Variants in STX2 observed in about 807,000 individuals in gnomAD.
The protein encoded by STX2 is syntaxin-2.
STX2 carries 27 observed loss-of-function variants against 40.6 expected under a neutral mutation model. The observed-to-expected ratio is 0.66, with a 90% confidence interval of 0.49 to 0.92. The LOEUF is 0.92. Ranked by LOEUF, STX2 falls within the 40% of genes least tolerant of loss-of-function variation. The pLI is 0.00. For synonymous variants in STX2, 123 were observed against 119.1 expected, an observed-to-expected ratio of 1.03 and a Z score of -0.22; for missense variants, 328 against 366.1, an observed-to-expected ratio of 0.90 and a Z score of 0.85.
chr12:130,789,904 G>C lies in STX2; in HGVS notation c.*2119C>G, dbSNP rs768458833. ...AACTATAAAAACACAAATTTCAGTA[G>C]GTACTGCAAATCTAAGAAGAATAAC... On this transcript the variant is annotated 3_prime_UTR_variant, in exon 11 of 11. Transcript: ENST00000392373. The C allele has an allele frequency of 2.0e-5, 3 of 152,080 alleles. No homozygotes were observed. Among genetic ancestry groups the C allele is most frequent in the Non-Finnish European group, 4.4e-5 (3 of 68,014 alleles). The allele number at this position is 152,080 out of a possible 1,614,324, so 9.4% of individuals were successfully genotyped here. A position where few individuals can be genotyped will look rare whatever the true frequency, so the allele number is the denominator to read the frequency against.
intron 1 of STX2, among the ~76,000 whole-genome samples, chr12:130,830,440 C>G (rs1486140430): frequency 6.6e-6 from 1 of 152,226 alleles, no homozygotes; most frequent in Non-Finnish European, 1.5e-5. Context: ...GGCGTCAATC[C>G]TCCTCCACTC....
intron 3 of STX2, among the ~76,000 whole-genome samples, chr12:130,818,218 A>ATATATATATATATATATAT (rs1565924788): frequency 2.0e-4 from 26 of 126,876 alleles, no homozygotes; most frequent in African/African-American, 3.0e-4. Context: ...ATATATATAT[A>ATATATATATATATATATAT]AAATTATCTG....
At chr12:130,815,026 G>A (rs979483779) in intron 3 of STX2, among the ~76,000 whole-genome samples, 5 of 152,228 alleles carry the variant, frequency 3.3e-5, no homozygotes, top group Admixed American at 3.3e-4. Context: ...TTAAGCCTAG[G>A]ACTTTAAGGC....
intron 5 of STX2, among the ~76,000 whole-genome samples, chr12:130,807,965 G>C (rs891969229): frequency 3.9e-5 from 6 of 152,166 alleles, no homozygotes; most frequent in Admixed American, 2.6e-4. Context: ...ATTCCTCGTA[G>C]GTCCCAGAAT....
Position 130,821,767 on chromosome 12 carries a change from T to C in STX2, c.127A>G (p.Ile43Val). 6.2e-7 allele frequency: 1 copy of C among 1,611,910 alleles called. No homozygotes were observed. The highest frequency in any genetic ancestry group is 1.1e-5 in the South Asian group (1 of 91,010). The change falls in exon 3 of 11, where the codon ATT becomes GTT. Residue 43 changes from isoleucine to valine, a missense_variant. Physicochemically the swap from Ile to Val is conservative, Grantham distance 29. Coordinates refer to ENST00000392373, the MANE Select transcript of STX2 (RefSeq NM_194356.4). ...TCAACATATTGAGTTATTTTATCAA[T>C]ACTGTTTCTAATCTCCTCCACCTAG... The part of the protein sequence containing the change: ...FHQVEEIRNS[I>V]DKITQYVEEV...
At chr12:130,814,614 T>C (rs1951788379) in intron 3 of STX2, among the ~76,000 whole-genome samples, 1 of 145,892 alleles carries the variant, frequency 6.9e-6, no homozygotes, top group Non-Finnish European at 1.5e-5. Flanking sequence ...TCAGCAAAGA[T>C]GCATTAGAAA....
At chr12:130,797,808 G>C (rs1283767858) in intron 9 of STX2, among the ~76,000 whole-genome samples, 1 of 152,184 alleles carries the variant, frequency 6.6e-6, no homozygotes, top group African/African-American at 2.4e-5. Flanking sequence ...GAGTGAAAGG[G>C]GTTCCCTTCT....
chr12:130,825,861 A>C (rs1167862995), intron 2 of STX2, among the ~76,000 whole-genome samples: 1 of 152,176 alleles, frequency 6.6e-6, no homozygotes, highest in Admixed American at 6.6e-5. Flanking sequence ...AACCCACTGG[A>C]CGTGTGTTTT....
intron 1 of STX2, among the ~76,000 whole-genome samples, chr12:130,828,192 G>C (rs1042921167): frequency 3.3e-5 from 5 of 152,004 alleles, no homozygotes; most frequent in East Asian, 3.9e-4. Flanking sequence ...ACCAATAAAG[G>C]CTTCTATTAA....
At chr12:130,828,815 C>G (rs1952435256) in intron 1 of STX2, among the ~76,000 whole-genome samples, 1 of 150,682 alleles carries the variant, frequency 6.6e-6, no homozygotes, top group Non-Finnish European at 1.5e-5. Context: ...TTGCAGTGAG[C>G]CGAGATCGCG....
In STX2 at chr12:130,827,910, C is replaced by T. The variant is rs111607026; in HGVS notation, c.31-643G>A. Among the ~76,000 whole-genome samples the T allele has an allele frequency of 4.3e-3, 657 of 152,284 alleles. 8 individuals carry two copies. Among genetic ancestry groups the T allele is most frequent in the African/African-American group, 0.015 (634 of 41,538 alleles). On this transcript the variant is annotated intron_variant, in intron 1 of 10. Coordinates refer to ENST00000392373, the MANE Select transcript of STX2 (RefSeq NM_194356.4). ...GCTGAGGTGGGAGGACTACCTGAAC[C>T]TGGCAGGTTGGGGCTGCAGTGACCC...
chr12:130,812,929 A>G, intron 4 of STX2, 28 bp downstream of exon 4: 1 of 1,443,538 alleles, frequency 6.9e-7, no homozygotes, highest in South Asian at 1.3e-5. Context: ...CCCAACATCA[A>G]TAATTAAACA....
rs574547395 is a variant in STX2, at chr12:130,809,957, G to A, written c.281-1253C>T. 6.4e-4 allele frequency among the ~76,000 whole-genome samples: 97 copies of A among 152,304 alleles called. 1 individual carries two copies. The highest frequency in any genetic ancestry group is 2.3e-3 in the African/African-American group (95 of 41,556). On this transcript the variant is annotated intron_variant, in intron 4 of 10. Coordinates refer to ENST00000392373, the MANE Select transcript of STX2 (RefSeq NM_194356.4). ...GCCTAGGAGTTCGAGGCTGTAGTGC[G>A]CTATGATCACACTGGTGAACAGTCA...
chr12:130,793,405 C>T (rs557068646), intron 10 of STX2, among the ~76,000 whole-genome samples: 3 of 152,328 alleles, frequency 2.0e-5, no homozygotes, highest in South Asian at 2.1e-4. Context: ...CGCGCCCTCC[C>T]GCTCAGCAAG....
In STX2 at chr12:130,789,614, C is replaced by T. The variant is rs1253981746; in HGVS notation, c.*2409G>A. 1.3e-5 allele frequency: 2 copies of T among 152,566 alleles called. No homozygotes were observed. The highest frequency in any genetic ancestry group is 4.8e-5 in the African/African-American group (2 of 41,428). 9.5% of individuals were successfully genotyped at this position (152,566 alleles called of 1,614,324 possible). A position where few individuals can be genotyped will look rare whatever the true frequency, so the allele number is the denominator to read the frequency against. ...CACAAGAGCAATTTTCCTAGTAGAACAATTTATTAATTAATATGCAATAAA... is the reference window on the plus strand; with the variant it reads ...CACAAGAGCAATTTTCCTAGTAGAATAATTTATTAATTAATATGCAATAAA... On this transcript the variant is annotated 3_prime_UTR_variant, in exon 11 of 11. Coordinates refer to ENST00000392373, the MANE Select transcript of STX2 (RefSeq NM_194356.4).
chr12:130,812,891 A>C, intron 4 of STX2, 66 bp downstream of exon 4: 1 of 1,152,504 alleles, frequency 8.7e-7, no homozygotes, highest in Non-Finnish European at 1.3e-6. Context: ...AAAAACCAAT[A>C]AAGAAAAAAA....
At chr12:130,814,849 C>T (rs1187430631) in intron 3 of STX2, among the ~76,000 whole-genome samples, 1 of 151,946 alleles carries the variant, frequency 6.6e-6, no homozygotes, top group Non-Finnish European at 1.5e-5. Flanking sequence ...ATTGGCCAGG[C>T]TGGTCTTGAG....
chr12:130,835,243 C>T (rs1052324449), intron 1 of STX2, among the ~76,000 whole-genome samples: 1 of 152,120 alleles, frequency 6.6e-6, no homozygotes, highest in African/African-American at 2.4e-5. Context: ...GAGTAATGAT[C>T]GTGCCCCTGC....
intron 8 of STX2, among the ~76,000 whole-genome samples, chr12:130,799,201 G>A (rs1951133645): frequency 1.3e-5 from 2 of 152,200 alleles, no homozygotes; most frequent in Admixed American, 1.3e-4. Flanking sequence ...CTGCAGCAGT[G>A]AATCGTAAAG....
Sources: gnomAD v4.1 joint callset for allele counts (sites outside exome capture counted in the v4.1 genomes callset) on GRCh38, gnomAD v4.1.1 for gene constraint, MANE v1.5 for transcripts, NCBI Gene and HGNC (gene_info 2026-07-23, HGNC 2026-07-21) for gene names.